CDK14: variants seen among roughly 807,000 people sequenced by gnomAD.
The protein encoded by CDK14 is cyclin-dependent kinase 14.
A neutral mutation model predicts 60.7 loss-of-function variants in CDK14; 34 were observed. The observed-to-expected ratio is 0.56, with a 90% CI of 0.43 to 0.75. The LOEUF (loss-of-function observed/expected upper bound fraction) is 0.75. Ranked by LOEUF, CDK14 falls within the 30% of genes least tolerant of loss-of-function variation. CDK14 has a pLI of 0.00. For missense variants in CDK14, 482 were observed against 564.1 expected (o/e 0.85, Z 1.47); for synonymous variants, 197 against 203.7 (o/e 0.97, Z 0.28).
chr7:90,921,192 C>T (rs527350969), intron 8 of CDK14, among the ~76,000 whole-genome samples: 3 of 152,286 alleles, frequency 2.0e-5, no homozygotes, highest in Non-Finnish European at 4.4e-5. Context: ...CGTGTCCTCA[C>T]CACCTTGTTG....
At chr7:91,060,930 A>G (rs1406330895) in intron 11 of CDK14, among the ~76,000 whole-genome samples, 1 of 152,058 alleles carries the variant, frequency 6.6e-6, no homozygotes, top group Admixed American at 6.5e-5. Context: ...GTATTTCCTG[A>G]GTCTGAATTT....
At chr7:90,681,597 T>C (rs1413948944) in intron 2 of CDK14, among the ~76,000 whole-genome samples, 2 of 152,174 alleles carry the variant, frequency 1.3e-5, no homozygotes, top group Non-Finnish European at 2.9e-5. Flanking sequence ...AATATAACAA[T>C]TAACTGATAA....
At chr7:90,861,224 T>C (rs1465622278) in intron 5 of CDK14, among the ~76,000 whole-genome samples, 1 of 152,148 alleles carries the variant, frequency 6.6e-6, no homozygotes, top group African/African-American at 2.4e-5. Flanking sequence ...AAAAAAAGAT[T>C]ACTGTTCCTA....
chr7:90,745,479 C>T (rs1415480295), intron 3 of CDK14, among the ~76,000 whole-genome samples: 2 of 152,104 alleles, frequency 1.3e-5, no homozygotes, highest in African/African-American at 4.8e-5. Flanking sequence ...TTCTGTTCAG[C>T]CATTGAGCTT....
intron 14 of CDK14, among the ~76,000 whole-genome samples, chr7:91,178,413 T>C (rs1465885853): frequency 1.5e-5 from 2 of 137,210 alleles, no homozygotes; most frequent in African/African-American, 5.4e-5. Flanking sequence ...AAGGACTTCA[T>C]GTCTAAAACA....
chr7:91,112,711 C>A (rs1348849779), intron 13 of CDK14, 30 bp downstream of exon 13: 1 of 1,608,248 alleles, frequency 6.2e-7, no homozygotes, highest in African/African-American at 1.3e-5. Flanking sequence ...AACATCCAGT[C>A]CAAGCAGACA....
intron 7 of CDK14, among the ~76,000 whole-genome samples, chr7:90,916,278 T>C (rs1296390207): frequency 6.6e-6 from 1 of 152,168 alleles, no homozygotes; most frequent in Non-Finnish European, 1.5e-5. Context: ...AGAGGACAAA[T>C]CCAGAGAGAT....
chr7:91,084,266 A>C (rs1313731385), intron 12 of CDK14, among the ~76,000 whole-genome samples: 1 of 152,204 alleles, frequency 6.6e-6, no homozygotes, highest in Admixed American at 6.5e-5. Flanking sequence ...GGGTGGGGAT[A>C]TCTCTTCTGG....
chr7:91,162,045 A>G (rs1801181448), intron 14 of CDK14, among the ~76,000 whole-genome samples: 2 of 152,208 alleles, frequency 1.3e-5, no homozygotes. Context: ...TTTTCTCTTG[A>G]TATCTTAAAT....
chr7:90,630,096 C>G, intron 2 of CDK14, among the ~76,000 whole-genome samples: 1 of 151,346 alleles, frequency 6.6e-6, no homozygotes, highest in East Asian at 1.9e-4. Context: ...ACACCACACA[C>G]AAAACCACAA....
At chr7:90,944,230 C>T (rs188300230) in intron 8 of CDK14, among the ~76,000 whole-genome samples, 2 of 152,174 alleles carry the variant, frequency 1.3e-5, no homozygotes, top group Non-Finnish European at 2.9e-5. Flanking sequence ...AAATGACTCA[C>T]TTTCAAGTAT....
chr7:90,627,260 G>C (rs1799894989), intron 2 of CDK14, among the ~76,000 whole-genome samples: 1 of 151,722 alleles, frequency 6.6e-6, no homozygotes. Context: ...TCCAGGTTGG[G>C]GTGCAGTGGT....
chr7:90,866,447 A>G (rs1356727696), intron 6 of CDK14, among the ~76,000 whole-genome samples: 1 of 152,144 alleles, frequency 6.6e-6, no homozygotes, highest in East Asian at 1.9e-4. Flanking sequence ...GGGAGATACC[A>G]TTGTAAGTTA....
intron 14 of CDK14, among the ~76,000 whole-genome samples, chr7:91,135,532 A>T (rs1442678183): frequency 3.3e-5 from 5 of 152,192 alleles, no homozygotes; most frequent in Non-Finnish European, 7.3e-5. Context: ...CAAGGGAGCC[A>T]TGTATAGCAT....
intron 12 of CDK14, among the ~76,000 whole-genome samples, chr7:91,098,297 A>G (rs1799055496): frequency 6.6e-6 from 1 of 152,194 alleles, no homozygotes; most frequent in South Asian, 2.1e-4. Context: ...TCATTTTGAT[A>G]TAAATGGGAG....
chr7:90,827,235 A>G (rs1186886410), intron 5 of CDK14, among the ~76,000 whole-genome samples: 1 of 152,198 alleles, frequency 6.6e-6, no homozygotes, highest in African/African-American at 2.4e-5. Context: ...TCTTTCATTC[A>G]GCAATTTGCA....
Position 90,999,316 on chromosome 7 carries a change from G to A in CDK14, c.1041+15075G>A, listed in dbSNP as rs568687157. 2.6e-5 allele frequency among the ~76,000 whole-genome samples: 4 copies of A among 151,930 alleles called. 1 individual carries two copies. The highest frequency in any genetic ancestry group is 7.2e-5 in the African/African-American group (3 of 41,456). On this transcript the variant is annotated intron_variant, in intron 10 of 14. Transcript: ENST00000380050. The stretch of plus-strand genomic sequence containing the variant: ...AAAAACCTGTCACCAGGGCCGGGCA[G>A]GGTGGCTCACGCCTGTAATCCCAGC...
intron 7 of CDK14, among the ~76,000 whole-genome samples, chr7:90,901,689 T>TATATACAC (rs375384931): frequency 2.7e-5 from 4 of 150,014 alleles, no homozygotes; most frequent in African/African-American, 9.8e-5. Context: ...TATATATATA[T>TATATACAC]ACACACACAC....
intron 6 of CDK14, among the ~76,000 whole-genome samples, chr7:90,873,383 A>G (rs1791441391): frequency 6.6e-6 from 1 of 152,236 alleles, no homozygotes; most frequent in African/African-American, 2.4e-5. Context: ...TATATCATAC[A>G]AAACTGGTGG....
Sources: allele counts gnomAD v4.1 joint callset (sites outside exome capture counted in the v4.1 genomes callset), GRCh38; gene constraint gnomAD v4.1.1; transcripts MANE v1.5; gene names NCBI Gene and HGNC (gene_info 2026-07-23, HGNC 2026-07-21).